CCDC92B: variants seen among roughly 807,000 people sequenced by gnomAD.
CCDC92B encodes coiled-coil domain containing 92B, also known as coiled-coil domain-containing 92B.
Under a neutral mutation model 5.6 loss-of-function variants are expected in CCDC92B, and 2 were observed. The observed-to-expected ratio is 0.36, with a 90% confidence interval of 0.15 to 1.12. The LOEUF is 1.12. CCDC92B is among the 50% of genes most tolerant of loss of function. The pLI, the probability that CCDC92B is intolerant of heterozygous loss-of-function variation, is 0.40. For synonymous variants in CCDC92B, 115 were observed against 122.3 expected (o/e 0.94, Z 0.39); for missense variants, 271 against 262.2 (o/e 1.03, Z -0.23).
At chr17:2,745,607 G>A (rs759434217) in intron 1 of CCDC92B, among the ~76,000 whole-genome samples, 1 of 152,202 alleles carries the variant, frequency 6.6e-6, no homozygotes, top group Admixed American at 6.6e-5. Context: ...AAGGGAACTA[G>A]TGACAACAAA....
At position 2,743,210 on chromosome 17, in the gene CCDC92B, A is replaced by C. The variant is rs558545786; in HGVS notation, c.-24+6201T>G. 3.9e-5 allele frequency among the ~76,000 whole-genome samples: 6 copies of C among 152,266 alleles called. No individual in the cohort carries two copies. The South Asian group carries it at 1.2e-3, about 32-fold the overall frequency. Reference sequence around the variant, plus strand: ...TTTGGGAGGCCGAGGCGGGAGGATCACCCAAGGTCAGGAGTTCGAGACCAG... The same window carrying C: ...TTTGGGAGGCCGAGGCGGGAGGATCCCCCAAGGTCAGGAGTTCGAGACCAG... On this transcript the variant is annotated intron_variant, in intron 1 of 3. Transcript: ENST00000614400.
chr17:2,745,321 A>G (rs931210245), intron 1 of CCDC92B, among the ~76,000 whole-genome samples: 1 of 152,078 alleles, frequency 6.6e-6, no homozygotes, highest in African/African-American at 2.4e-5. Flanking sequence ...CTTAGGATAA[A>G]GAGAGAAACG....
At chr17:2,740,493 T>A (rs2070913847) in intron 1 of CCDC92B, among the ~76,000 whole-genome samples, 1 of 151,586 alleles carries the variant, frequency 6.6e-6, no homozygotes, top group Admixed American at 6.6e-5. Flanking sequence ...TGAAATACTG[T>A]CTCTACTAAA....
chr17:2,746,034 T>G (rs2070982359), intron 1 of CCDC92B, among the ~76,000 whole-genome samples: 1 of 151,956 alleles, frequency 6.6e-6, no homozygotes, highest in African/African-American at 2.4e-5. Flanking sequence ...CAGGCTGGAG[T>G]GCAATGGCAC....
At position 2,723,979 on chromosome 17, in the gene CCDC92B, C is replaced by CG. The variant is rs1172100175; in HGVS notation, c.*431dup. 7 of 274,590 alleles carry CG rather than the reference C, an allele frequency of 2.5e-5. No individual in the cohort carries two copies. In the African/African-American group the frequency reaches 7.5e-4, roughly 29 times the overall value. 17.0% of individuals were successfully genotyped at this position (274,590 alleles called of 1,614,324 possible). On this transcript the variant is annotated 3_prime_UTR_variant, in exon 4 of 4. Transcript: ENST00000614400. ...GGCGTCGGCGCGGGGGTGGGGGAGGCGGGGGGTGGGGAGCTAGAGGGCCTG... is the reference window on the plus strand; with the variant it reads ...GGCGTCGGCGCGGGGGTGGGGGAGGCGGGGGGGTGGGGAGCTAGAGGGCCTG...
intron 1 of CCDC92B, among the ~76,000 whole-genome samples, chr17:2,743,684 C>T (rs2070950327): frequency 6.6e-6 from 1 of 152,090 alleles, no homozygotes; most frequent in Admixed American, 6.6e-5. Context: ...CCAGGAATGC[C>T]CTTCACCAAG....
At chr17:2,727,607 C>CCT (rs2070744371) in intron 3 of CCDC92B, among the ~76,000 whole-genome samples, 3 of 152,178 alleles carry the variant, frequency 2.0e-5, no homozygotes, top group Admixed American at 6.5e-5. Context: ...GGGCGGATCA[C>CCT]AAGGTCAGGA....
rs546651979 is a variant in CCDC92B at position 2,725,533 on chromosome 17, C to CT, written c.179-534dup. Among the ~76,000 whole-genome samples the CT allele has an allele frequency of 1.1e-3, 167 of 151,752 alleles. 1 individual carries two copies. Among genetic ancestry groups the CT allele is most frequent in the African/African-American group, 3.9e-3 (160 of 41,370 alleles). ...ACCTACTCTACCCTCTGCTTGGTCT[C>CT]TAATTCTTCAGGTTTCAGCTTAAGT... On this transcript the variant is annotated intron_variant, in intron 3 of 3. Coordinates refer to ENST00000614400, the MANE Select transcript of CCDC92B (RefSeq NM_001355573.2).
rs1236200239 is a variant in CCDC92B, at chr17:2,724,121, G to A, written c.*290C>T. On this transcript the variant is annotated 3_prime_UTR_variant, in exon 4 of 4. Transcript: ENST00000614400. This position sits in a 1 kb window ranked among gnomAD's most constrained non-coding sequence, Gnocchi z 5.0. ...GGCCCCCGCCCCTCCTGTCTCACAG[G>A]CAGGTGGGACCAGGCCAGGATCGGG... 1 of 985,202 alleles carries A rather than the reference G, an allele frequency of 1.0e-6. No individual in the cohort carries two copies. The highest frequency in any genetic ancestry group is 1.1e-4 in the East Asian group (1 of 8,788). 61.0% of individuals were successfully genotyped at this position (985,202 alleles called of 1,614,324 possible).
intron 3 of CCDC92B, 80 bp downstream of exon 3, chr17:2,730,366 G>T: frequency 2.4e-6 from 2 of 818,822 alleles, no homozygotes; most frequent in Non-Finnish European, 2.9e-6. Flanking sequence ...GACAGAGAAG[G>T]TTTGGGTCCT....
chr17:2,733,366 TCTC>T (rs2070819063), intron 2 of CCDC92B, among the ~76,000 whole-genome samples: 1 of 151,750 alleles, frequency 6.6e-6, no homozygotes, highest in Non-Finnish European at 1.5e-5. Context: ...TTCAAGCGAT[TCTC>T]CTGCCTCAGC....
In CCDC92B at chr17:2,730,450, C is replaced by G. The variant is rs1173291636; in HGVS notation, c.174G>C (p.Gln58His). ...CACCAGTGGTCCTTCTCTTACCTTG[C>G]TGGTGAGATTGGGCCTCTCTCATTT... is the stretch of plus-strand genomic sequence containing the variant. ...DLEMREAQSH[Q>H]QEAASRELES... Residue 58 changes from glutamine (Q) to histidine (H), a missense_variant, in exon 3 of 4, where the codon CAG (glutamine) becomes CAC (histidine). Transcript: ENST00000614400. The G allele has an allele frequency of 7.1e-5, 70 of 984,402 alleles. No individual in the cohort carries two copies. The highest frequency in any genetic ancestry group is 8.4e-5 in the Non-Finnish European group (70 of 829,910). 61.0% of individuals were successfully genotyped at this position (984,402 alleles called of 1,614,324 possible). A position where few individuals can be genotyped will look rare whatever the true frequency, so the allele number is the denominator to read the frequency against.
intron 1 of CCDC92B, among the ~76,000 whole-genome samples, chr17:2,741,370 T>C (rs2070924708): frequency 6.6e-6 from 1 of 151,978 alleles, no homozygotes; most frequent in Admixed American, 6.6e-5. Flanking sequence ...ACATGGCGTC[T>C]TGAAAACCAT....
chr17:2,728,582 G>A (rs1381388057), intron 3 of CCDC92B, among the ~76,000 whole-genome samples: 9 of 147,944 alleles, frequency 6.1e-5, no homozygotes, highest in African/African-American at 2.2e-4. Flanking sequence ...CAGCCTGGGC[G>A]ACAGAGCGAG....
chr17:2,721,935 T>TG lies in CCDC92B; in HGVS notation c.*2475dup, dbSNP rs911256459. On this transcript the variant is annotated 3_prime_UTR_variant, in exon 4 of 4. Coordinates refer to ENST00000614400, the MANE Select transcript of CCDC92B (RefSeq NM_001355573.2). The stretch of plus-strand genomic sequence containing the variant: ...GAAGATCCCTGGGACCAGAGTGCGG[T>TG]GGGGGCCCCTAGCTGGACACCCTGG... 4 of 150,906 alleles carry TG rather than the reference T, an allele frequency of 2.7e-5. No individual in the cohort carries two copies. Among genetic ancestry groups the TG allele is most frequent in the African/African-American group, 9.8e-5 (4 of 40,962 alleles). 9.3% of individuals were successfully genotyped at this position (150,906 alleles called of 1,614,324 possible).
intron 1 of CCDC92B, among the ~76,000 whole-genome samples, chr17:2,738,485 G>A (rs1029463319): frequency 2.8e-4 from 43 of 152,168 alleles, no homozygotes; most frequent in African/African-American, 9.2e-4. Context: ...AGAAATGTAA[G>A]GCCTGGGCTG....
chr17:2,727,600 C>T (rs112397056), intron 3 of CCDC92B, among the ~76,000 whole-genome samples: 60 of 152,006 alleles, frequency 3.9e-4, no homozygotes, highest in Admixed American at 7.2e-4. Flanking sequence ...CCAAGGTGGG[C>T]GGATCACAAG....
Position 2,724,641 on chromosome 17 carries a change from G to T in CCDC92B, c.538C>A (p.His180Asn). 1.0e-6 allele frequency: 1 copy of T among 981,658 alleles called. No individual in the cohort carries two copies. The highest frequency in any genetic ancestry group is 4.5e-5 in the South Asian group (1 of 22,050). 60.8% of individuals were successfully genotyped at this position (981,658 alleles called of 1,614,324 possible). ...ALRARRPPAA[H>N]EAAAKGPGRD... is the part of the protein sequence containing the mutation. Reference sequence around the variant, plus strand: ...CCGGGGCCCTTGGCGGCGGCCTCGTGGGCAGCAGGCGGGCGGCGGGCTCGC... The same window carrying T: ...CCGGGGCCCTTGGCGGCGGCCTCGTTGGCAGCAGGCGGGCGGCGGGCTCGC... The change falls in exon 4 of 4, where the codon CAC becomes AAC. Residue 180 changes from histidine (H) to asparagine (N), a missense_variant. Physicochemically the swap from His to Asn is moderately conservative, Grantham distance 68. Coordinates refer to ENST00000614400, the MANE Select transcript of CCDC92B (RefSeq NM_001355573.2). This position sits in a 1 kb window ranked among gnomAD's most constrained non-coding sequence, Gnocchi z 5.0.
At chr17:2,737,544 G>A (rs1474230265) in intron 1 of CCDC92B, among the ~76,000 whole-genome samples, 3 of 140,098 alleles carry the variant, frequency 2.1e-5, no homozygotes, top group South Asian at 2.3e-4. Context: ...GCACGATCTC[G>A]GCTCACTGCA....
Sources: gnomAD v4.1 joint callset for allele counts (sites outside exome capture counted in the v4.1 genomes callset) on GRCh38, gnomAD v4.1.1 for gene constraint, Gnocchi (gnomAD v3.1) non-coding constraint, MANE v1.5 for transcripts, NCBI Gene and HGNC (gene_info 2026-07-23, HGNC 2026-07-21) for gene names.